Variants in ABCB9 observed in about 807,000 individuals in gnomAD.
ABCB9 encodes the protein ABC-type oligopeptide transporter ABCB9.
ABCB9 carries 36 observed loss-of-function variants against 62.0 expected under a neutral mutation model. The observed-to-expected ratio is 0.58, with a 90% CI of 0.45 to 0.77. The LOEUF is 0.77. ABCB9 is among the 30% of genes least tolerant of loss of function. The pLI is 0.00. For missense variants in ABCB9, 943 were observed against 1,054.7 expected, an observed-to-expected ratio of 0.89 and a Z score of 1.47; for synonymous variants, 435 against 461.4, an observed-to-expected ratio of 0.94 and a Z score of 0.73.
At chr12:122,969,239 C>G (rs2037244510), upstream of ABCB9, among the ~76,000 whole-genome samples, 1 of 151,658 alleles carries the variant, frequency 6.6e-6, no homozygotes, top group Non-Finnish European at 1.5e-5. Flanking sequence ...TTTGCATCCC[C>G]AGCCTAGTCA....
chr12:122,974,109 G>C (rs751915660), intron 1 of ABCB9, among the ~76,000 whole-genome samples: 5 of 152,234 alleles, frequency 3.3e-5, no homozygotes, highest in Non-Finnish European at 7.3e-5. Flanking sequence ...CAAACGGAGA[G>C]GGGGTGAGGG....
upstream of ABCB9, among the ~76,000 whole-genome samples, chr12:122,969,766 C>A (rs1478928440): frequency 6.6e-6 from 1 of 151,848 alleles, no homozygotes; most frequent in East Asian, 1.9e-4. Context: ...AAAAACACTC[C>A]ATGCCATATG....
At position 122,946,222 on chromosome 12, in the gene ABCB9, T is replaced by C; in HGVS notation, c.1054A>G (p.Arg352Gly). Residue 352 changes from arginine (R) to glycine (G), a missense_variant and splice_region_variant, in exon 6 of 12, where the codon AGG becomes GGG. Transcript: ENST00000280560. ...VSNIYGKYYKRLSKEVQNALA... is the reference protein window; with the variant it reads ...VSNIYGKYYKGLSKEVQNALA... ...GCATTCTGGACCTCTTTGGAGAGCC[T>C]CTATGGACAGGAGGGGGACAAGAAG... The C allele has an allele frequency of 6.2e-7, 1 of 1,614,074 alleles. No homozygotes were observed. The highest frequency in any genetic ancestry group is 8.5e-7 in the Non-Finnish European group (1 of 1,180,022).
Position 122,930,066 on chromosome 12 carries a change from C to T in ABCB9, c.2146G>A (p.Gly716Ser), listed in dbSNP as rs1352376100. Residue 716 changes from glycine to serine, a missense_variant, in exon 12 of 12, where the codon GGC becomes AGC. Coordinates refer to ENST00000280560, the MANE Select transcript of ABCB9 (RefSeq NM_019625.4). The surrounding 1 kb of genome is among the most constrained non-coding windows in gnomAD (Gnocchi z 4.9). ...TGGGTGCCCTGCTGCACTACGCGGC[C>T]CTTGTCCAGCACCACAATGAGGTGC... ...HAHLIVVLDK[G>S]RVVQQGTHQQ... The T allele has an allele frequency of 6.4e-7, 1 of 1,566,952 alleles. No homozygotes were observed. The highest frequency in any genetic ancestry group is 2.4e-5 in the East Asian group (1 of 42,310).
chr12:122,973,909 G>A (rs2037332744), intron 1 of ABCB9, among the ~76,000 whole-genome samples: 1 of 152,150 alleles, frequency 6.6e-6, no homozygotes, highest in African/African-American at 2.4e-5. Context: ...GCTGGGCGTG[G>A]TGGCGCCTGC....
chr12:122,944,551 GGGGACCTTAGATCCCCCACCA>G lies in ABCB9; in HGVS notation c.1252-53_1252-33del. 1 of 1,610,102 alleles carries G rather than the reference GGGGACCTTAGATCCCCCACCA, an allele frequency of 6.2e-7. No individual in the cohort carries two copies. The highest frequency in any genetic ancestry group is 8.5e-7 in the Non-Finnish European group (1 of 1,177,988). ...CAGAGGGAGAGGGGATGTGGGTCGA[GGGGACCTTAGATCCCCCACCA>G]TCCCCATTCCCTGACCCATCCCAGG... On this transcript the variant is annotated intron_variant, in intron 6 of 11. Coordinates refer to ENST00000280560, the MANE Select transcript of ABCB9 (RefSeq NM_019625.4). The surrounding 1 kb of genome is among the most constrained non-coding windows in gnomAD (Gnocchi z 4.9).
chr12:122,947,606 T>C lies in ABCB9; in HGVS notation c.1053+1018A>G, dbSNP rs1410736425. On this transcript the variant is annotated intron_variant, in intron 5 of 11. Transcript: ENST00000280560. The surrounding 1 kb of genome is among the most constrained non-coding windows in gnomAD (Gnocchi z 6.0). The stretch of plus-strand genomic sequence containing the variant: ...CAGCCCTGCCTGTCTGAACCCAGCC[T>C]GTCTGTCCCTTAGGGCTCGGGGGCA... The C allele has an allele frequency of 3.0e-6, 1 of 334,836 alleles. No homozygotes were observed. Among genetic ancestry groups the C allele is most frequent in the Non-Finnish European group, 6.3e-6 (1 of 157,902 alleles). 20.7% of individuals were successfully genotyped at this position (334,836 alleles called of 1,614,324 possible).
At chr12:122,928,886 CAA>C, downstream of ABCB9, 1 of 569,494 alleles carries the variant, frequency 1.8e-6, no homozygotes, top group Non-Finnish European at 2.2e-6. Context: ...CTGGACCACC[CAA>C]AGTCTCTCTG....
At chr12:122,934,452 T>C (rs1262141104) in intron 10 of ABCB9, among the ~76,000 whole-genome samples, 1 of 151,750 alleles carries the variant, frequency 6.6e-6, no homozygotes, top group Non-Finnish European at 1.5e-5. Flanking sequence ...CCCAGCACTT[T>C]GGGAGGCAGG....
chr12:122,940,068 T>G lies in ABCB9; in HGVS notation c.1743+43A>C, dbSNP rs1457967311. 2.5e-6 allele frequency: 4 copies of G among 1,576,542 alleles called. No homozygotes were observed. The African/African-American group carries it at 5.4e-5, about 21-fold the overall frequency. On this transcript the variant is annotated intron_variant, in intron 9 of 11. Transcript: ENST00000280560. This position sits in a 1 kb window ranked among gnomAD's most constrained non-coding sequence, Gnocchi z 4.8. ...ACAGCTCACAAGAAAGACGGTTAGA[T>G]GCAGAAAGGGCGGAGAAGTGTGGCC...
At chr12:122,919,881 G>GTTTATCTA, downstream of ABCB9, among the ~76,000 whole-genome samples, 1 of 138,896 alleles carries the variant, frequency 7.2e-6, no homozygotes, top group Non-Finnish European at 1.5e-5. Context: ...CTGTTTGTTT[G>GTTTATCTA]TTTATTTATT....
intron 11 of ABCB9, among the ~76,000 whole-genome samples, chr12:122,921,321 A>G (rs1007909438): frequency 1.6e-4 from 24 of 152,164 alleles, no homozygotes; most frequent in African/African-American, 5.8e-4. Context: ...AGCCTGAGGC[A>G]GAAGGATCAG....
chr12:122,961,039 T>C (rs2036867476), intron 1 of ABCB9, among the ~76,000 whole-genome samples: 1 of 150,662 alleles, frequency 6.6e-6, no homozygotes, highest in South Asian at 2.1e-4. Context: ...ACTCCAGCCC[T>C]GGTGACAGCA....
chr12:122,945,304 G>A lies in ABCB9; in HGVS notation c.1251+721C>T, dbSNP rs914992838. Among the ~76,000 whole-genome samples, 9 of 152,106 alleles carry A rather than the reference G, an allele frequency of 5.9e-5. No homozygotes were observed. In the East Asian group the frequency reaches 7.7e-4, roughly 13 times the overall value. ...CACTCCAAACCCTCCTCATTCCTCCGCAGCTATGCCCTGACCTGCCCACCT... is the reference window on the plus strand; with the variant it reads ...CACTCCAAACCCTCCTCATTCCTCCACAGCTATGCCCTGACCTGCCCACCT... On this transcript the variant is annotated intron_variant, in intron 6 of 11. Coordinates refer to ENST00000280560, the MANE Select transcript of ABCB9 (RefSeq NM_019625.4).
Position 122,959,780 on chromosome 12 carries a change from G to C in ABCB9, c.456C>G (p.Ala152=). 1 of 1,611,972 alleles carries C rather than the reference G, an allele frequency of 6.2e-7. No homozygotes were observed. Among genetic ancestry groups the C allele is most frequent in the Non-Finnish European group, 8.5e-7 (1 of 1,179,274 alleles). Residue 152 remains alanine (A), a synonymous_variant, in exon 2 of 12, where the codon GCC becomes GCG. Coordinates refer to ENST00000280560, the MANE Select transcript of ABCB9 (RefSeq NM_019625.4). The surrounding 1 kb of genome is among the most constrained non-coding windows in gnomAD (Gnocchi z 5.4). ...TCCCAGGGAAGCCCTCAGCCTCGGT[G>C]GCCGCCCCTGGCTCCAGGGCCTGGG... ...PGTQALEPGA[A]TEAEGFPGSG...
rs751635760 is a variant in ABCB9, at chr12:122,940,888, G to T, written c.1488C>A (p.Ala496=). 6.2e-7 allele frequency: 1 copy of T among 1,612,370 alleles called. No homozygotes were observed. Among genetic ancestry groups the T allele is most frequent in the Non-Finnish European group, 8.5e-7 (1 of 1,179,340 alleles). The change falls in exon 8 of 12, where the codon GCC becomes GCA. Residue 496 remains alanine, a synonymous_variant. Coordinates refer to ENST00000280560, the MANE Select transcript of ABCB9 (RefSeq NM_019625.4). The surrounding 1 kb of genome is among the most constrained non-coding windows in gnomAD (Gnocchi z 4.8). Reference sequence around the variant, plus strand: ...CCACCCGGCCCTCCAGGTGGTCGGGGGCCAAGCTGCCATCGTGCACCATGG... The same window carrying T: ...CCACCCGGCCCTCCAGGTGGTCGGGTGCCAAGCTGCCATCGTGCACCATGG... ...QPTMVHDGSL[A]PDHLEGRVDF...
Position 122,959,685 on chromosome 12 carries a change from T to A in ABCB9, c.551A>T (p.Asp184Val), listed in dbSNP as rs1317104139. ...LQKLLSYTKP[D>V]VAFLVAASFF... ...GGAGGCGGCCACGAGGAAGGCCACGTCGGGCTTGGTGTAGGAGAGCAGCTT... is the reference window on the plus strand; with the variant it reads ...GGAGGCGGCCACGAGGAAGGCCACGACGGGCTTGGTGTAGGAGAGCAGCTT... The change falls in exon 2 of 12, where the codon GAC becomes GTC. Residue 184 changes from aspartate (D) to valine (V), a missense_variant. Asp to Val is a radical substitution (Grantham distance 152, BLOSUM62 -3). Coordinates refer to ENST00000280560, the MANE Select transcript of ABCB9 (RefSeq NM_019625.4). The surrounding 1 kb of genome is among the most constrained non-coding windows in gnomAD (Gnocchi z 5.4). 6.3e-7 allele frequency: 1 copy of A among 1,591,648 alleles called. No individual in the cohort carries two copies. Among genetic ancestry groups the A allele is most frequent in the Non-Finnish European group, 8.6e-7 (1 of 1,163,416 alleles).
chr12:122,948,771 C>T lies in ABCB9; in HGVS notation c.906G>A (p.Gln302=). ...TGTTCCGCAGGAAGACATTGATGTT[C>T]TGGGAGACCAGGTCGCTGACCATGG... ...DTTMVSDLVS[Q]NINVFLRNTV... The change falls in exon 5 of 12, where the codon CAG becomes CAA. Residue 302 remains glutamine (Q), a synonymous_variant. Coordinates refer to ENST00000280560, the MANE Select transcript of ABCB9 (RefSeq NM_019625.4). 1 of 1,609,620 alleles carries T rather than the reference C, an allele frequency of 6.2e-7. No individual in the cohort carries two copies. The highest frequency in any genetic ancestry group is 1.3e-5 in the African/African-American group (1 of 74,806).
chr12:122,939,004 T>G (rs2035597918), intron 9 of ABCB9, among the ~76,000 whole-genome samples: 1 of 152,068 alleles, frequency 6.6e-6, no homozygotes, highest in African/African-American at 2.4e-5. Flanking sequence ...AAACCCTGTC[T>G]GTACTAAAAA....
Sources: allele counts gnomAD v4.1 joint callset (sites outside exome capture counted in the v4.1 genomes callset), GRCh38; gene constraint gnomAD v4.1.1; non-coding constraint Gnocchi (gnomAD v3.1); transcripts MANE v1.5; gene names NCBI Gene and HGNC (gene_info 2026-07-23, HGNC 2026-07-21).